HORMAD2: variants seen among roughly 807,000 people sequenced by gnomAD.
HORMAD2 encodes HORMA domain-containing protein 2.
In HORMAD2, 45 loss-of-function variants were observed where a neutral mutation model predicts 38.8. The observed-to-expected ratio is 1.16, with a 90% CI of 0.91 to 1.49. The LOEUF (loss-of-function observed/expected upper bound fraction) is 1.49. Among genes scored for constraint, HORMAD2 ranks in the 40% most tolerant of loss-of-function variants. The pLI is 0.00. For missense variants in HORMAD2, 338 were observed against 367.0 expected, an observed-to-expected ratio of 0.92 and a Z score of 0.65; for synonymous variants, 126 against 122.8, an observed-to-expected ratio of 1.03 and a Z score of -0.17.
intron 10 of HORMAD2, 122 bp downstream of exon 10, chr22:30,122,336 C>A: frequency 1.2e-6 from 1 of 836,230 alleles, no homozygotes. Flanking sequence ...AAACTAGTCT[C>A]TGACATCAAG....
At chr22:30,091,078 A>G (rs541304962) in intron 1 of HORMAD2, among the ~76,000 whole-genome samples, 108 of 152,172 alleles carry the variant, frequency 7.1e-4, no homozygotes, top group Middle Eastern at 6.8e-3. Flanking sequence ...AACACATGGT[A>G]TTTATCTTTC....
Position 30,176,825 on chromosome 22 carries a change from C to G in HORMAD2, c.*658C>G, listed in dbSNP as rs1204539910. 6.5e-6 allele frequency: 1 copy of G among 152,772 alleles called. No individual in the cohort carries two copies. The highest frequency in any genetic ancestry group is 2.4e-5 in the African/African-American group (1 of 41,456). The allele number at this position is 152,772 out of a possible 1,614,324, so 9.5% of individuals were successfully genotyped here. On this transcript the variant is annotated 3_prime_UTR_variant, in exon 11 of 11. Transcript: ENST00000336726. ...ATTAAATATTTCCCAAGAAGCACTTCAGTTTATCAGTCTGTAACCTGCAAA... is the reference window on the plus strand; with the variant it reads ...ATTAAATATTTCCCAAGAAGCACTTGAGTTTATCAGTCTGTAACCTGCAAA...
At chr22:30,158,563 C>A (rs1925234582) in intron 10 of HORMAD2, among the ~76,000 whole-genome samples, 1 of 95,332 alleles carries the variant, frequency 1.0e-5, no homozygotes, top group Non-Finnish European at 2.0e-5. Flanking sequence ...CCTCCCCTCC[C>A]CTCCCTTCCC....
At chr22:30,089,873 CTCTT>C (rs1441830857) in intron 1 of HORMAD2, among the ~76,000 whole-genome samples, 1 of 152,168 alleles carries the variant, frequency 6.6e-6, no homozygotes, top group Non-Finnish European at 1.5e-5. Context: ...ACCTATTAAA[CTCTT>C]TATTCCTTCT....
At chr22:30,099,295 G>A (rs892319169) in intron 3 of HORMAD2, among the ~76,000 whole-genome samples, 7 of 152,088 alleles carry the variant, frequency 4.6e-5, no homozygotes, top group Non-Finnish European at 1.0e-4. Flanking sequence ...TTTGCGCTAC[G>A]TTGTGCCTCA....
the HORMAD2 span, among the ~76,000 whole-genome samples, chr22:30,206,447 C>A: frequency 6.6e-6 from 1 of 151,050 alleles, no homozygotes; most frequent in African/African-American, 2.4e-5. Flanking sequence ...CATGAGCCAC[C>A]GCGCCTGGCC....
intron 10 of HORMAD2, chr22:30,137,021 A>T (rs1473300823): frequency 2.3e-6 from 1 of 436,432 alleles, no homozygotes; most frequent in African/African-American, 2.1e-5. Flanking sequence ...TCCATGTGTA[A>T]TTGTTGCATT....
the HORMAD2 span, among the ~76,000 whole-genome samples, chr22:30,185,861 T>TA: frequency 0.079 from 11,580 of 147,058 alleles, 567 homozygotes; most frequent in African/African-American, 0.13. Flanking sequence ...CCAGTAAAAT[T>TA]AAAAAAAAAA....
At chr22:30,139,141 T>G (rs1242168982) in intron 10 of HORMAD2, among the ~76,000 whole-genome samples, 1 of 151,498 alleles carries the variant, frequency 6.6e-6, no homozygotes, top group Non-Finnish European at 1.5e-5. Flanking sequence ...TCATCAACTT[T>G]CCTGGGTCTC....
chr22:30,094,095 A>G (rs1230291442), intron 2 of HORMAD2, 92 bp downstream of exon 2: 4 of 948,976 alleles, frequency 4.2e-6, no homozygotes, highest in Non-Finnish European at 6.4e-6. Flanking sequence ...GTTTTTAAGC[A>G]GCAGTTTTAT....
chr22:30,168,243 T>G (rs1338479281), intron 10 of HORMAD2, among the ~76,000 whole-genome samples: 1 of 152,192 alleles, frequency 6.6e-6, no homozygotes, highest in African/African-American at 2.4e-5. Context: ...TAAACTCTAC[T>G]TCATAGAAAT....
At chr22:30,175,204 A>C (rs1269669239) in intron 10 of HORMAD2, among the ~76,000 whole-genome samples, 1 of 115,410 alleles carries the variant, frequency 8.7e-6, no homozygotes, top group Non-Finnish European at 1.9e-5. Context: ...CTTGCTTTAA[A>C]TATATATATT....
chr22:30,159,151 C>A (rs148612766), intron 10 of HORMAD2, among the ~76,000 whole-genome samples: 1 of 152,246 alleles, frequency 6.6e-6, no homozygotes, highest in African/African-American at 2.4e-5. Context: ...TAGAAAAGTT[C>A]TCCTAAAATA....
chr22:30,084,635 T>A (rs1370486220), intron 1 of HORMAD2, among the ~76,000 whole-genome samples: 1 of 152,040 alleles, frequency 6.6e-6, no homozygotes, highest in Non-Finnish European at 1.5e-5. Flanking sequence ...GGTTTTTAAT[T>A]TTTTTTATTT....
rs746017743 is a variant in HORMAD2 at position 30,111,827 on chromosome 22, A to G, written c.315+11A>G. ...ATGGCAGTACTGACAGTAAGTACAC[A>G]CTCATTTAAAGACCAAGCCTCTGTC... On this transcript the variant is annotated intron_variant, in intron 6 of 10. Coordinates refer to ENST00000336726, the MANE Select transcript of HORMAD2 (RefSeq NM_152510.4). 4.5e-6 allele frequency: 7 copies of G among 1,566,586 alleles called. No homozygotes were observed. The highest frequency in any genetic ancestry group is 3.6e-5 in the South Asian group (3 of 83,636).
intron 10 of HORMAD2, among the ~76,000 whole-genome samples, chr22:30,128,476 T>C (rs912548746): frequency 2.6e-5 from 4 of 152,330 alleles, no homozygotes; most frequent in African/African-American, 7.2e-5. Context: ...CACTCTACCA[T>C]TTCCCTACTT....
chr22:30,150,447 C>G (rs1302048921), intron 10 of HORMAD2, among the ~76,000 whole-genome samples: 1 of 152,128 alleles, frequency 6.6e-6, no homozygotes, highest in Non-Finnish European at 1.5e-5. Flanking sequence ...GTCTTTCTCT[C>G]TGTGTGTCTG....
chr22:30,158,710 G>A (rs1925262224), intron 10 of HORMAD2, among the ~76,000 whole-genome samples: 1 of 147,602 alleles, frequency 6.8e-6, no homozygotes, highest in South Asian at 2.2e-4. Flanking sequence ...TCTTTCCAGG[G>A]TCTTGCTCTG....
At chr22:30,148,979 G>GA (rs1027630512) in intron 10 of HORMAD2, among the ~76,000 whole-genome samples, 8 of 148,668 alleles carry the variant, frequency 5.4e-5, no homozygotes, top group South Asian at 2.1e-4. Flanking sequence ...ACTCCGTCTC[G>GA]AAAAAAAAAA....
Sources: gnomAD v4.1 joint callset for allele counts (sites outside exome capture counted in the v4.1 genomes callset) on GRCh38, gnomAD v4.1.1 for gene constraint, MANE v1.5 for transcripts, NCBI Gene and HGNC (gene_info 2026-07-23, HGNC 2026-07-21) for gene names.